Variants in LRBA observed in about 807,000 individuals in gnomAD.
The protein encoded by LRBA is lipopolysaccharide-responsive and beige-like anchor protein.
In LRBA, 176 loss-of-function variants were observed where a neutral mutation model predicts 330.0. That is an observed-to-expected ratio of 0.53 (90% CI 0.47 to 0.60). LRBA has a LOEUF of 0.60. LRBA is among the 20% of genes least tolerant of loss of function. The probability of loss-of-function intolerance (pLI) is 0.00; values close to 1 mark genes in which losing one functional copy is unlikely to be tolerated. For missense variants in LRBA, 3,259 were observed against 3,444.8 expected (o/e 0.95, Z 1.35); for synonymous variants, 1,230 against 1,193.0 (o/e 1.03, Z -0.64).
At chr4:150,544,248 C>T (rs1375142869) in intron 40 of LRBA, among the ~76,000 whole-genome samples, 1 of 151,968 alleles carries the variant, frequency 6.6e-6, no homozygotes, top group Admixed American at 6.6e-5. Context: ...ATGCCTCAGT[C>T]TCCTGAGTAG....
intron 48 of LRBA, among the ~76,000 whole-genome samples, chr4:150,337,541 A>G (rs1336730784): frequency 1.3e-5 from 2 of 152,196 alleles, no homozygotes; most frequent in Non-Finnish European, 2.9e-5. Context: ...GGTATTTTAA[A>G]TGTAGGTTTT....
At chr4:150,478,367 T>C (rs1210851365) in intron 42 of LRBA, among the ~76,000 whole-genome samples, 1 of 152,174 alleles carries the variant, frequency 6.6e-6, no homozygotes, top group Non-Finnish European at 1.5e-5. Context: ...TGGAAGGATG[T>C]TTATACAAAT....
intron 35 of LRBA, among the ~76,000 whole-genome samples, chr4:150,760,324 T>C (rs2126462080): frequency 6.6e-6 from 1 of 152,282 alleles, no homozygotes; most frequent in South Asian, 2.1e-4. Flanking sequence ...CACCTACTAC[T>C]TGCCACACTC....
chr4:150,511,795 A>G (rs551631829), intron 40 of LRBA, among the ~76,000 whole-genome samples: 3 of 152,372 alleles, frequency 2.0e-5, no homozygotes, highest in South Asian at 2.1e-4. Flanking sequence ...TCAAAATCAC[A>G]TAACTAGTAA....
In LRBA at chr4:150,899,557, T is replaced by C. The variant is rs1366912481; in HGVS notation, c.1924+492A>G. ...CCCTTATATGAACTGCTAGACATGA[T>C]GAATGAATATTACCCTTTCAGCAAG... On this transcript the variant is annotated intron_variant, in intron 14 of 56. Transcript: ENST00000651943. Among the ~76,000 whole-genome samples, 3 of 152,204 alleles carry C rather than the reference T, an allele frequency of 2.0e-5. No homozygotes were observed. The East Asian group carries it at 5.8e-4, about 29-fold the overall frequency.
intron 44 of LRBA, among the ~76,000 whole-genome samples, chr4:150,447,417 C>CT (rs927021468): frequency 6.6e-6 from 1 of 152,090 alleles, no homozygotes; most frequent in Non-Finnish European, 1.5e-5. Context: ...GGAATTTGCC[C>CT]TTTTTTTCCT....
intron 37 of LRBA, among the ~76,000 whole-genome samples, chr4:150,603,440 A>G (rs969622375): frequency 6.6e-6 from 1 of 152,088 alleles, no homozygotes; most frequent in African/African-American, 2.4e-5. Context: ...TTAATACATC[A>G]CTATAATCTA....
chr4:150,507,686 A>C (rs1467284075), intron 40 of LRBA, among the ~76,000 whole-genome samples: 7 of 152,192 alleles, frequency 4.6e-5, no homozygotes, highest in Admixed American at 1.3e-4. Flanking sequence ...TTCATGTCTA[A>C]AACACCAAAA....
chr4:150,961,268 C>T (rs1295923362), intron 2 of LRBA, among the ~76,000 whole-genome samples: 1 of 149,174 alleles, frequency 6.7e-6, no homozygotes, highest in African/African-American at 2.6e-5. Context: ...ATCACTGAAT[C>T]TATGTGAAAT....
intron 40 of LRBA, among the ~76,000 whole-genome samples, chr4:150,585,397 C>A (rs972172171): frequency 6.6e-6 from 1 of 152,048 alleles, no homozygotes; most frequent in Admixed American, 6.5e-5. Flanking sequence ...GGTTTTCATA[C>A]CATTTTTATA....
chr4:151,011,093 CG>C (rs1170384005), intron 2 of LRBA, among the ~76,000 whole-genome samples: 1 of 145,412 alleles, frequency 6.9e-6, no homozygotes, highest in Non-Finnish European at 1.5e-5. Flanking sequence ...AGGCTGACGC[CG>C]GAGAATGGCA....
chr4:150,597,084 T>C, intron 38 of LRBA: 1 of 1,394,402 alleles, frequency 7.2e-7, no homozygotes, highest in Non-Finnish European at 1.0e-6. Context: ...AATGCTTACC[T>C]TTGCTGTTCT....
Position 150,803,083 on chromosome 4 carries a change from T to TATACACACAC in LRBA, c.5518+3187_5518+3188insGTGTGTGTAT, listed in dbSNP as rs748531851. Among the ~76,000 whole-genome samples the TATACACACAC allele has an allele frequency of 1.1e-3, 136 of 128,484 alleles. 2 individuals are homozygous for TATACACACAC. The highest frequency in any genetic ancestry group is 9.3e-3 in the East Asian group (42 of 4,504). The allele number at this position is 128,484 out of a possible 152,430, so 84.3% of individuals were successfully genotyped here. On this transcript the variant is annotated intron_variant, in intron 33 of 56. Transcript: ENST00000651943. The stretch of plus-strand genomic sequence containing the variant: ...AAAACAAACAAAAAAAAAATATATA[T>TATACACACAC]ACACACACACACACACACACACACA...
rs775462464 is a variant in LRBA, at chr4:150,828,240, C to A, written c.5111G>T (p.Cys1704Phe). ...AGATAGATCACCAAGGGCTCCAAGG[C>A]AGGCTGGTGGCAGAAGGGCAGGATC... ...TVDPALLPPA[C>F]LGALGDLSVE... The change falls in exon 30 of 57, where the codon TGC becomes TTC. Residue 1704 changes from cysteine to phenylalanine, a missense_variant. By Grantham distance (205) the Cys-to-Phe change is radical. Transcript: ENST00000651943. 7 of 1,614,012 alleles carry A rather than the reference C, an allele frequency of 4.3e-6. No homozygotes were observed. The Admixed American group carries it at 1.0e-4, about 23-fold the overall frequency.
chr4:150,621,782 T>A (rs1581838139), intron 37 of LRBA, among the ~76,000 whole-genome samples: 1 of 152,382 alleles, frequency 6.6e-6, no homozygotes, highest in East Asian at 1.9e-4. Flanking sequence ...TTTCCTATTA[T>A]GTATTTCTCT....
At chr4:150,294,631 T>G (rs914524877) in intron 53 of LRBA, among the ~76,000 whole-genome samples, 1 of 152,174 alleles carries the variant, frequency 6.6e-6, no homozygotes, top group Admixed American at 6.5e-5. Context: ...TGGCATGTAG[T>G]GAGCACCCAT....
chr4:150,592,916 A>C (rs578198457), intron 38 of LRBA, among the ~76,000 whole-genome samples: 6 of 152,258 alleles, frequency 3.9e-5, no homozygotes, highest in Non-Finnish European at 8.8e-5. Flanking sequence ...TTACAGGCGT[A>C]AGTCATCTCA....
chr4:150,513,921 G>A (rs889285963), intron 40 of LRBA, among the ~76,000 whole-genome samples: 2 of 152,154 alleles, frequency 1.3e-5, no homozygotes, highest in African/African-American at 4.8e-5. Context: ...GGATGCGAGG[G>A]AAATAGACAC....
chr4:150,630,671 T>C (rs28539520), intron 37 of LRBA, among the ~76,000 whole-genome samples: 10,296 of 152,174 alleles, frequency 0.068, 593 homozygotes, highest in East Asian at 0.18. Flanking sequence ...AATAGTATGA[T>C]AATACTCAAT....
Sources: allele counts gnomAD v4.1 joint callset (sites outside exome capture counted in the v4.1 genomes callset), GRCh38; gene constraint gnomAD v4.1.1; transcripts MANE v1.5; gene names NCBI Gene and HGNC (gene_info 2026-07-23, HGNC 2026-07-21).